HM13: variants seen among roughly 807,000 people sequenced by gnomAD.
The protein encoded by HM13 is signal peptide peptidase.
Under a neutral mutation model 50.0 loss-of-function variants are expected in HM13, and 18 were observed. The observed-to-expected ratio is 0.36, with a 90% CI of 0.25 to 0.53. The LOEUF is 0.53. Ranked by LOEUF, HM13 falls within the 20% of genes least tolerant of loss-of-function variation. The probability of loss-of-function intolerance (pLI) is 0.90; values close to 1 mark genes in which losing one functional copy is unlikely to be tolerated. For missense variants in HM13, 393 were observed against 552.4 expected, an observed-to-expected ratio of 0.71 and a Z score of 2.89; for synonymous variants, 197 against 232.6, an observed-to-expected ratio of 0.85 and a Z score of 1.39.
Position 31,514,546 on chromosome 20 carries a change from C to A in HM13, c.-6C>A. 6.2e-7 allele frequency: 1 copy of A among 1,603,882 alleles called. No homozygotes were observed. Among genetic ancestry groups the A allele is most frequent in the Non-Finnish European group, 8.5e-7 (1 of 1,177,180 alleles). ...GCTGGAGTCGGATCCCGAACGCACC[C>A]TCGCCATGGACTCGGCCCTCAGCGA... On this transcript the variant is annotated 5_prime_UTR_variant, in exon 1 of 13. Transcript: ENST00000398174. The surrounding 1 kb of genome is among the most constrained non-coding windows in gnomAD (Gnocchi z 4.3).
chr20:31,514,703 C>A lies in HM13; in HGVS notation c.152C>A (p.Ala51Asp). 1 of 1,547,636 alleles carries A rather than the reference C, an allele frequency of 6.5e-7. No homozygotes were observed. Among genetic ancestry groups the A allele is most frequent in the Admixed American group, 2.0e-5 (1 of 50,850 alleles). The change falls in exon 1 of 13, where the codon GCC (alanine) becomes GAC (aspartate). Residue 51 changes from alanine (A) to aspartate (D), a missense_variant. Coordinates refer to ENST00000398174, the MANE Select transcript of HM13 (RefSeq NM_178581.3). This position sits in a 1 kb window ranked among gnomAD's most constrained non-coding sequence, Gnocchi z 4.3. ...GCGCTGCTGCCCATCTTCTTCGGCG[C>A]CCTGCGCTCCGTACGCTGCGCCCGC... ...LMALLPIFFG[A>D]LRSVRCARGK...
chr20:31,565,850 G>A (rs1984879669), intron 10 of HM13, among the ~76,000 whole-genome samples: 1 of 152,156 alleles, frequency 6.6e-6, no homozygotes, highest in Non-Finnish European at 1.5e-5. Context: ...TGGAGCATTT[G>A]CTAAAATGCA....
chr20:31,543,403 A>G (rs1330667796), intron 3 of HM13, among the ~76,000 whole-genome samples: 1 of 152,104 alleles, frequency 6.6e-6, no homozygotes, highest in Non-Finnish European at 1.5e-5. Flanking sequence ...CTCCTGCCTC[A>G]GGCTCCTGAG....
chr20:31,569,258 A>G lies in HM13; in HGVS notation c.*39A>G, dbSNP rs1985125955. On this transcript the variant is annotated 3_prime_UTR_variant, in exon 13 of 13. Transcript: ENST00000398174. ...CGAGCCTCTCAGGGCCAGACCAGAC[A>G]GATGGGGGCTGGGCCCACACAGGCG... 1.4e-6 allele frequency: 2 copies of G among 1,387,916 alleles called. No individual in the cohort carries two copies. Among genetic ancestry groups the G allele is most frequent in the East Asian group, 4.8e-5 (2 of 41,448 alleles). The allele number at this position is 1,387,916 out of a possible 1,614,324, so 86.0% of individuals were successfully genotyped here.
chr20:31,548,968 C>G, intron 4 of HM13, 61 bp from the exon 5 acceptor site: 1 of 1,424,880 alleles, frequency 7.0e-7, no homozygotes, highest in Non-Finnish European at 9.9e-7. Context: ...CGTCCAGGGG[C>G]TGACAGGTGG....
intron 3 of HM13, among the ~76,000 whole-genome samples, chr20:31,544,284 C>G (rs533273228): frequency 6.6e-6 from 1 of 152,348 alleles, no homozygotes; most frequent in South Asian, 2.1e-4. Flanking sequence ...CAGAAAAGGT[C>G]TCTGCTTCCT....
At chr20:31,546,064 T>TTTC (rs1983695521) in intron 4 of HM13, among the ~76,000 whole-genome samples, 1 of 149,778 alleles carries the variant, frequency 6.7e-6, no homozygotes, top group Admixed American at 6.6e-5. Flanking sequence ...TTTTTTTTTT[T>TTTC]TTCGAGACAG....
chr20:31,552,040 G>C (rs950627749), intron 7 of HM13, among the ~76,000 whole-genome samples: 8 of 151,806 alleles, frequency 5.3e-5, no homozygotes, highest in Non-Finnish European at 8.8e-5. Context: ...GCAGAGTATT[G>C]GAATTGGCAG....
At chr20:31,546,985 G>A (rs1367790477) in intron 4 of HM13, among the ~76,000 whole-genome samples, 1 of 152,172 alleles carries the variant, frequency 6.6e-6, no homozygotes, top group African/African-American at 2.4e-5. Context: ...AAGGTCCCAG[G>A]CCCTCTCTAT....
chr20:31,527,896 CTTTT>C, intron 2 of HM13: 1 of 167,194 alleles, frequency 6.0e-6, no homozygotes, highest in Non-Finnish European at 1.2e-5. Context: ...TACTAATGGC[CTTTT>C]TTTTTTTTTT....
intron 1 of HM13, among the ~76,000 whole-genome samples, chr20:31,521,448 A>G (rs951554386): frequency 6.6e-6 from 1 of 152,242 alleles, no homozygotes; most frequent in South Asian, 2.1e-4. Context: ...CCTGCTGGCC[A>G]GGCGTGATGG....
chr20:31,521,728 CAAAA>C, intron 1 of HM13, among the ~76,000 whole-genome samples: 1 of 89,088 alleles, frequency 1.1e-5, no homozygotes, highest in Non-Finnish European at 2.5e-5. Context: ...GACTCCATCT[CAAAA>C]AAAAAAAAAA....
intron 10 of HM13, chr20:31,563,557 C>T (rs1984737543): frequency 6.6e-6 from 1 of 152,194 alleles, no homozygotes; most frequent in Non-Finnish European, 1.5e-5. Flanking sequence ...CTCCTGACCT[C>T]AACTGACCTG....
rs764118351 is a variant in HM13 at position 31,559,570 on chromosome 20, C to G, written c.809-41C>G. 33 of 1,608,474 alleles carry G rather than the reference C, an allele frequency of 2.1e-5. No individual in the cohort carries two copies. The East Asian group carries it at 5.8e-4, about 28-fold the overall frequency. On this transcript the variant is annotated intron_variant, in intron 8 of 12. Transcript: ENST00000398174. Reference sequence around the variant, plus strand: ...AGTCTCCTGTTAGTTCACTGCCCTGCTGCTTCCCTGCCACTCTCTAACCCC... The same window carrying G: ...AGTCTCCTGTTAGTTCACTGCCCTGGTGCTTCCCTGCCACTCTCTAACCCC...
intron 1 of HM13, among the ~76,000 whole-genome samples, chr20:31,516,508 G>A (rs913459988): frequency 2.6e-5 from 4 of 152,206 alleles, no homozygotes; most frequent in Admixed American, 6.5e-5. Flanking sequence ...GAAAGATTGA[G>A]CACATCTGGG....
At chr20:31,522,380 T>C (rs1285701626) in intron 1 of HM13, among the ~76,000 whole-genome samples, 1 of 152,108 alleles carries the variant, frequency 6.6e-6, no homozygotes, top group Non-Finnish European at 1.5e-5. Flanking sequence ...CTGGCCAACA[T>C]GGTGAAACCC....
At chr20:31,540,553 C>T (rs1043780409) in intron 3 of HM13, 1 of 152,250 alleles carries the variant, frequency 6.6e-6, no homozygotes, top group East Asian at 1.9e-4. Context: ...AACAACCCTA[C>T]AATGAAGATC....
At chr20:31,566,131 A>G (rs2376862) in intron 10 of HM13, 79 bp from the exon 11 acceptor site, 185,630 of 1,028,798 alleles carry the variant, frequency 0.18, 27,660 homozygotes, top group African/African-American at 0.71. Flanking sequence ...TCCAGCCCAG[A>G]AGGGGTTTGG....
Position 31,538,256 on chromosome 20 carries a change from C to T in HM13, c.360C>T (p.Thr120=). The T allele has an allele frequency of 6.2e-7, 1 of 1,614,122 alleles. No homozygotes were observed. The change falls in exon 3 of 13, where the codon ACC becomes ACT. Residue 120 remains threonine (T), a synonymous_variant. Coordinates refer to ENST00000398174, the MANE Select transcript of HM13 (RefSeq NM_178581.3). ...FVLGILALSH[T]ISPFMNKFFP... ...TGGGAATCCTGGCCCTGTCCCACACCATCAGGTCAGAAGGCATCTCTCTGC... is the reference window on the plus strand; with the variant it reads ...TGGGAATCCTGGCCCTGTCCCACACTATCAGGTCAGAAGGCATCTCTCTGC...
Sources: gnomAD v4.1 joint callset for allele counts (sites outside exome capture counted in the v4.1 genomes callset) on GRCh38, gnomAD v4.1.1 for gene constraint, Gnocchi (gnomAD v3.1) non-coding constraint, MANE v1.5 for transcripts, NCBI Gene and HGNC (gene_info 2026-07-23, HGNC 2026-07-21) for gene names.